The following KCNH8 variants were observed in gnomAD, a reference collection of about 807,000 sequenced individuals.
The protein encoded by KCNH8 is potassium voltage-gated channel subfamily H member 8, also known as voltage-gated delayed rectifier potassium channel KCNH8.
A neutral mutation model predicts 103.6 loss-of-function variants in KCNH8; 70 were observed. That is an observed-to-expected ratio of 0.68 (90% CI 0.56 to 0.82). KCNH8 has a LOEUF of 0.82. Among genes scored for constraint, KCNH8 ranks in the 40% least tolerant of loss-of-function variants. The pLI is 0.00. For synonymous variants in KCNH8, 498 were observed against 489.4 expected (o/e 1.02, Z -0.23); for missense variants, 1,217 against 1,329.9 (o/e 0.92, Z 1.32).
chr3:19,376,553 C>A lies in KCNH8; in HGVS notation c.812-13928C>A, dbSNP rs932440098. On this transcript the variant is annotated intron_variant, in intron 5 of 15. Transcript: ENST00000328405. The stretch of plus-strand genomic sequence containing the variant: ...CTCAGATGGAAATGCAGAAATCACC[C>A]GTCTTCTGTGTCGCTCACGCTGGGA... Among the ~76,000 whole-genome samples, 17 of 152,268 alleles carry A rather than the reference C, an allele frequency of 1.1e-4. 1 individual carries two copies. The highest frequency in any genetic ancestry group is 6.8e-3 in the Middle Eastern group (2 of 294).
At chr3:19,403,184 A>G (rs576782026) in intron 7 of KCNH8, among the ~76,000 whole-genome samples, 40 of 151,540 alleles carry the variant, frequency 2.6e-4, no homozygotes, top group African/African-American at 9.4e-4. Flanking sequence ...TTTATAAAAC[A>G]GTATCCAAGT....
Position 19,533,860 on chromosome 3 carries a change from A to G in KCNH8, c.3085A>G (p.Thr1029Ala). Reference sequence around the variant, plus strand: ...GACGCCTCTGCAGTCCATTTCAGCAACTCTCTCATCTTCTGTCTGCTCCTC... The same window carrying G: ...GACGCCTCTGCAGTCCATTTCAGCAGCTCTCTCATCTTCTGTCTGCTCCTC... ...TLTPLQSISA[T>A]LSSSVCSSSE... The change falls in exon 16 of 16, where the codon ACT becomes GCT. Residue 1029 changes from threonine (T) to alanine (A), a missense_variant. Thr to Ala is a moderately conservative substitution (Grantham distance 58, BLOSUM62 0). Coordinates refer to ENST00000328405, the MANE Select transcript of KCNH8 (RefSeq NM_144633.3). The G allele has an allele frequency of 6.2e-7, 1 of 1,613,948 alleles. No individual in the cohort carries two copies. Among genetic ancestry groups the G allele is most frequent in the Non-Finnish European group, 8.5e-7 (1 of 1,179,970 alleles).
At chr3:19,353,043 A>G (rs769926500) in intron 5 of KCNH8, among the ~76,000 whole-genome samples, 15 of 152,180 alleles carry the variant, frequency 9.9e-5, no homozygotes, top group Non-Finnish European at 2.1e-4. Flanking sequence ...TAAAAATGAT[A>G]AAGGGGATAT....
At chr3:19,506,477 A>C (rs1174573811) in intron 11 of KCNH8, among the ~76,000 whole-genome samples, 1 of 152,150 alleles carries the variant, frequency 6.6e-6, no homozygotes, top group African/African-American at 2.4e-5. Flanking sequence ...GGTGGTGCTT[A>C]AGTGAAATGG....
At chr3:19,186,490 A>G (rs1323085778) in intron 1 of KCNH8, among the ~76,000 whole-genome samples, 1 of 151,994 alleles carries the variant, frequency 6.6e-6, no homozygotes, top group Non-Finnish European at 1.5e-5. Context: ...ATATATTGAA[A>G]GGGCAGAGCA....
intron 5 of KCNH8, among the ~76,000 whole-genome samples, chr3:19,359,535 A>G (rs2065922047): frequency 6.6e-6 from 1 of 151,986 alleles, no homozygotes; most frequent in South Asian, 2.1e-4. Flanking sequence ...GAATTCCTCA[A>G]CCGTGGGACG....
Position 19,281,349 on chromosome 3 carries a change from A to G in KCNH8, c.442+20A>G. On this transcript the variant is annotated intron_variant, in intron 3 of 15. Coordinates refer to ENST00000328405, the MANE Select transcript of KCNH8 (RefSeq NM_144633.3). ...AAGAAGGTTTGTACCGTTTTCAGAA[A>G]ACATTGACAGATGGAGTAACATTTT... 1 of 1,571,786 alleles carries G rather than the reference A, an allele frequency of 6.4e-7. No individual in the cohort carries two copies. The highest frequency in any genetic ancestry group is 8.6e-7 in the Non-Finnish European group (1 of 1,164,364).
chr3:19,314,829 A>C (rs2065252886), intron 3 of KCNH8: 1 of 154,198 alleles, frequency 6.5e-6, no homozygotes, highest in South Asian at 2.0e-4. Flanking sequence ...CATTGGACTG[A>C]ATAGCTGGAT....
intron 5 of KCNH8, among the ~76,000 whole-genome samples, chr3:19,359,034 A>G (rs2065915287): frequency 6.6e-6 from 1 of 151,904 alleles, no homozygotes. Context: ...GTAAATCAAG[A>G]TATATGACAA....
At chr3:19,411,392 T>C (rs1224959074) in intron 7 of KCNH8, among the ~76,000 whole-genome samples, 2 of 151,872 alleles carry the variant, frequency 1.3e-5, no homozygotes, top group Admixed American at 1.3e-4. Context: ...ATCTATGACA[T>C]ACCCCCAGCC....
chr3:19,298,168 T>C (rs2065019292), intron 3 of KCNH8, among the ~76,000 whole-genome samples: 1 of 152,236 alleles, frequency 6.6e-6, no homozygotes, highest in Non-Finnish European at 1.5e-5. Context: ...CCTAATGTCA[T>C]GTGATTGGTA....
intron 1 of KCNH8, among the ~76,000 whole-genome samples, chr3:19,160,251 T>C (rs1436013623): frequency 4.6e-5 from 7 of 152,176 alleles, no homozygotes; most frequent in Admixed American, 2.6e-4. Context: ...CTGCAGAAGG[T>C]ATCTTGGACA....
intron 1 of KCNH8, among the ~76,000 whole-genome samples, chr3:19,191,954 AT>A (rs199555606): frequency 2.1e-4 from 31 of 147,910 alleles, no homozygotes; most frequent in East Asian, 1.6e-3. Context: ...CTTTCTTTTA[AT>A]TTTTTTTTTA....
chr3:19,292,926 A>G (rs1206776226), intron 3 of KCNH8, among the ~76,000 whole-genome samples: 1 of 152,108 alleles, frequency 6.6e-6, no homozygotes, highest in East Asian at 1.9e-4. Context: ...TAACTTTGTC[A>G]CGTGGCCATG....
intron 3 of KCNH8, among the ~76,000 whole-genome samples, chr3:19,310,493 T>C (rs950751053): frequency 6.6e-6 from 1 of 151,928 alleles, no homozygotes; most frequent in African/African-American, 2.4e-5. Context: ...TTTTGTGTTA[T>C]TTATGGATTT....
chr3:19,245,355 C>T (rs1177202250), intron 1 of KCNH8, among the ~76,000 whole-genome samples: 8 of 152,146 alleles, frequency 5.3e-5, no homozygotes, highest in Admixed American at 4.6e-4. Context: ...GTTTTGGTTA[C>T]TATAGCCTTA....
At chr3:19,315,440 G>T (rs2065261243) in intron 3 of KCNH8, among the ~76,000 whole-genome samples, 1 of 151,938 alleles carries the variant, frequency 6.6e-6, no homozygotes, top group South Asian at 2.1e-4. Flanking sequence ...TTATTTCAAT[G>T]AACTGAGGGA....
At chr3:19,372,203 A>T (rs1303045588) in intron 5 of KCNH8, among the ~76,000 whole-genome samples, 2 of 152,112 alleles carry the variant, frequency 1.3e-5, no homozygotes, top group Non-Finnish European at 2.9e-5. Flanking sequence ...TACCTTGGGC[A>T]GTATGGCCAT....
At chr3:19,286,170 C>A (rs1237450191) in intron 3 of KCNH8, among the ~76,000 whole-genome samples, 2 of 152,132 alleles carry the variant, frequency 1.3e-5, no homozygotes, top group Non-Finnish European at 2.9e-5. Flanking sequence ...AAAACGAGAT[C>A]TTTTGGGACC....
Sources: gnomAD v4.1 joint callset for allele counts (sites outside exome capture counted in the v4.1 genomes callset) on GRCh38, gnomAD v4.1.1 for gene constraint, MANE v1.5 for transcripts, NCBI Gene and HGNC (gene_info 2026-07-23, HGNC 2026-07-21) for gene names.